The following CSMD3 variants were observed in gnomAD, a reference collection of about 807,000 sequenced individuals.
CSMD3 encodes the protein CUB and sushi domain-containing protein 3.
Under a neutral mutation model 435.2 loss-of-function variants are expected in CSMD3, and 177 were observed. The ratio of observed to expected loss-of-function variants is 0.41; its 90% CI spans 0.36 to 0.46. The LOEUF (loss-of-function observed/expected upper bound fraction) is 0.46. Among genes scored for constraint, CSMD3 ranks in the 20% least tolerant of loss-of-function variants. The probability of loss-of-function intolerance (pLI) is 0.34; values close to 1 mark genes in which losing one functional copy is unlikely to be tolerated. For missense variants in CSMD3, 4,265 were observed against 4,504.6 expected (o/e 0.95, Z 1.52); for synonymous variants, 1,656 against 1,520.5 (o/e 1.09, Z -2.07).
chr8:112,709,495 A>G (rs1213397695), intron 13 of CSMD3, among the ~76,000 whole-genome samples: 2 of 152,000 alleles, frequency 1.3e-5, no homozygotes, highest in Non-Finnish European at 2.9e-5. Context: ...TTGGTTTTTA[A>G]TGAAAGGTAT....
At chr8:112,613,130 G>A (rs921352075) in intron 22 of CSMD3, among the ~76,000 whole-genome samples, 3 of 152,128 alleles carry the variant, frequency 2.0e-5, no homozygotes, top group South Asian at 2.1e-4. Flanking sequence ...GAAGAAGATC[G>A]TCAGTCTACA....
chr8:113,053,407 AT>A (rs2088181861), intron 5 of CSMD3, among the ~76,000 whole-genome samples: 1 of 152,130 alleles, frequency 6.6e-6, no homozygotes, highest in Non-Finnish European at 1.5e-5. Context: ...AAATTATATA[AT>A]TTAAGTAGGA....
At chr8:113,047,900 A>G (rs1408068961) in intron 5 of CSMD3, among the ~76,000 whole-genome samples, 1 of 152,160 alleles carries the variant, frequency 6.6e-6, no homozygotes, top group Non-Finnish European at 1.5e-5. Context: ...ATATTGTTTC[A>G]GAATACTACT....
intron 70 of CSMD3, among the ~76,000 whole-genome samples, chr8:112,226,764 A>C (rs181091465): frequency 9.2e-5 from 14 of 152,188 alleles, no homozygotes; most frequent in Non-Finnish European, 1.6e-4. Flanking sequence ...GCATTTCAAC[A>C]AAAATGGACA....
chr8:112,514,176 C>T (rs1586568906), intron 28 of CSMD3, among the ~76,000 whole-genome samples: 1 of 152,062 alleles, frequency 6.6e-6, no homozygotes, highest in Non-Finnish European at 1.5e-5. Flanking sequence ...CACAGGTGTG[C>T]ATCTATTTAA....
At chr8:112,244,306 T>C (rs1454606431) in intron 65 of CSMD3, 88 bp downstream of exon 65, 14 of 1,109,142 alleles carry the variant, frequency 1.3e-5, no homozygotes, top group Non-Finnish European at 1.1e-5. Context: ...CTTGTTCCTA[T>C]GCTAATTTGA....
intron 24 of CSMD3, among the ~76,000 whole-genome samples, chr8:112,562,824 T>C (rs985772270): frequency 6.6e-6 from 1 of 151,694 alleles, no homozygotes; most frequent in Non-Finnish European, 1.5e-5. Flanking sequence ...TATCAACTTT[T>C]ATATCAACTT....
At chr8:113,099,740 T>C (rs2090275820) in intron 4 of CSMD3, among the ~76,000 whole-genome samples, 1 of 152,032 alleles carries the variant, frequency 6.6e-6, no homozygotes, top group Non-Finnish European at 1.5e-5. Context: ...ACTAGCAGCG[T>C]GGTTATATGA....
intron 69 of CSMD3, among the ~76,000 whole-genome samples, chr8:112,229,454 G>C (rs968356825): frequency 6.6e-6 from 1 of 151,466 alleles, no homozygotes; most frequent in African/African-American, 2.4e-5. Context: ...CTTGAGACAG[G>C]GTCTCACTTT....
At chr8:113,360,419 T>C (rs1240710889) in intron 1 of CSMD3, among the ~76,000 whole-genome samples, 4 of 152,150 alleles carry the variant, frequency 2.6e-5, no homozygotes, top group Admixed American at 2.6e-4. Context: ...TTTACATACA[T>C]TGATTTATTT....
intron 38 of CSMD3, 102 bp downstream of exon 38, chr8:112,380,250 C>T (rs1315949122): frequency 6.4e-6 from 4 of 623,464 alleles, no homozygotes; most frequent in Non-Finnish European, 1.1e-5. Flanking sequence ...ACAATGTTTT[C>T]TTTGAGAAAG....
At chr8:112,428,848 T>C (rs1813359471) in intron 32 of CSMD3, among the ~76,000 whole-genome samples, 1 of 152,176 alleles carries the variant, frequency 6.6e-6, no homozygotes, top group Non-Finnish European at 1.5e-5. Context: ...GCATTAATAC[T>C]GGCACCACCC....
intron 10 of CSMD3, among the ~76,000 whole-genome samples, chr8:112,907,789 T>C (rs1483629041): frequency 6.6e-6 from 1 of 151,408 alleles, no homozygotes; most frequent in Admixed American, 6.6e-5. Flanking sequence ...TTGAGTTGAA[T>C]GATATAGCAA....
intron 13 of CSMD3, among the ~76,000 whole-genome samples, chr8:112,696,876 C>A (rs2076268584): frequency 6.6e-6 from 1 of 151,806 alleles, no homozygotes; most frequent in Non-Finnish European, 1.5e-5. Context: ...AACAAATTTA[C>A]AAGAAAAAAA....
chr8:112,265,544 A>G lies in CSMD3; in HGVS notation c.9555T>C (p.Tyr3185=), dbSNP rs1317189388. 2.5e-6 allele frequency: 4 copies of G among 1,613,180 alleles called. No individual in the cohort carries two copies. The highest frequency in any genetic ancestry group is 2.5e-6 in the Non-Finnish European group (3 of 1,179,416). ...TTTGTCCAACCACATAATCATCTCC[A>G]TATCTCAGTCCATTGGCTGGTATAC... is the stretch of plus-strand genomic sequence containing the variant. ...DPGIPANGLR[Y]GDDYVVGQNV... is the part of the protein sequence containing the mutation. The change falls in exon 60 of 71, where the codon TAT becomes TAC. Residue 3185 remains tyrosine, a synonymous_variant. Coordinates refer to ENST00000297405, the MANE Select transcript of CSMD3 (RefSeq NM_198123.2).
intron 5 of CSMD3, among the ~76,000 whole-genome samples, chr8:113,028,065 G>C (rs1467074963): frequency 6.6e-6 from 1 of 152,068 alleles, no homozygotes; most frequent in African/African-American, 2.4e-5. Flanking sequence ...CTGAAGGTTT[G>C]TGACAATGCT....
intron 35 of CSMD3, among the ~76,000 whole-genome samples, chr8:112,393,547 C>T (rs1830618913): frequency 6.6e-6 from 1 of 152,094 alleles, no homozygotes; most frequent in Admixed American, 6.6e-5. Flanking sequence ...ACAAGGTCAC[C>T]CTTTTGCCTG....
intron 53 of CSMD3, among the ~76,000 whole-genome samples, chr8:112,301,265 T>G (rs1245699138): frequency 1.3e-5 from 2 of 152,092 alleles, no homozygotes; most frequent in Admixed American, 6.6e-5. Context: ...AGATTTTTTA[T>G]AATAAATACT....
At chr8:112,938,032 G>A (rs1198001418) in intron 9 of CSMD3, among the ~76,000 whole-genome samples, 2 of 152,106 alleles carry the variant, frequency 1.3e-5, no homozygotes, top group African/African-American at 2.4e-5. Flanking sequence ...TAAAACAGTC[G>A]AGAAGCCAGG....
Sources: allele counts gnomAD v4.1 joint callset (sites outside exome capture counted in the v4.1 genomes callset), GRCh38; gene constraint gnomAD v4.1.1; transcripts MANE v1.5; gene names NCBI Gene and HGNC (gene_info 2026-07-23, HGNC 2026-07-21).